Variants in EDIL3 observed in about 807,000 individuals in gnomAD.
EDIL3 encodes EGF like and discoidin domains 3.
Under a neutral mutation model 67.4 loss-of-function variants are expected in EDIL3, and 37 were observed. The observed-to-expected ratio is 0.55, with a 90% CI of 0.42 to 0.72. The LOEUF is 0.72. Ranked by LOEUF, EDIL3 falls within the 30% of genes least tolerant of loss-of-function variation. The pLI, the probability that EDIL3 is intolerant of heterozygous loss-of-function variation, is 0.00. For synonymous variants in EDIL3, 195 were observed against 196.3 expected, an observed-to-expected ratio of 0.99 and a Z score of 0.05; for missense variants, 527 against 586.3, an observed-to-expected ratio of 0.90 and a Z score of 1.04.
chr5:84,384,282 C>T (rs1580116752), intron 1 of EDIL3, 26 bp downstream of exon 1: 2 of 1,603,794 alleles, frequency 1.2e-6, no homozygotes, highest in East Asian at 4.6e-5. Context: ...ATCCCTCACC[C>T]AGCTGTCCGG....
intron 5 of EDIL3, among the ~76,000 whole-genome samples, chr5:84,136,360 C>T (rs1234972943): frequency 1.3e-5 from 2 of 152,200 alleles, no homozygotes; most frequent in African/African-American, 4.8e-5. Context: ...ATGAACTTTC[C>T]TCTAATTGTC....
At chr5:84,331,574 G>A (rs925770978) in intron 1 of EDIL3, among the ~76,000 whole-genome samples, 1 of 152,146 alleles carries the variant, frequency 6.6e-6, no homozygotes, top group Non-Finnish European at 1.5e-5. Context: ...CATCATGACT[G>A]TAATTTTCCT....
At chr5:84,165,653 A>T (rs768193151) in intron 4 of EDIL3, among the ~76,000 whole-genome samples, 1 of 152,274 alleles carries the variant, frequency 6.6e-6, no homozygotes, top group Admixed American at 6.5e-5. Context: ...ACAAATAATG[A>T]CAAAACCTCC....
At chr5:84,133,346 C>T (rs769555990) in intron 5 of EDIL3, among the ~76,000 whole-genome samples, 15 of 151,030 alleles carry the variant, frequency 9.9e-5, no homozygotes, top group South Asian at 4.2e-4. Context: ...TGAGGGTCTG[C>T]GCGCAGTAGC....
chr5:84,031,573 C>G (rs1745924281), intron 9 of EDIL3, among the ~76,000 whole-genome samples: 1 of 152,106 alleles, frequency 6.6e-6, no homozygotes, highest in Non-Finnish European at 1.5e-5. Flanking sequence ...GGTATCCATG[C>G]AAGAAGAGAC....
At chr5:84,357,015 C>G (rs568751415) in intron 1 of EDIL3, among the ~76,000 whole-genome samples, 1 of 149,578 alleles carries the variant, frequency 6.7e-6, no homozygotes, top group Non-Finnish European at 1.5e-5. Flanking sequence ...ACCTCTGCCT[C>G]CCAGGTTCAA....
chr5:83,974,870 T>C (rs1744853258), intron 9 of EDIL3, among the ~76,000 whole-genome samples: 1 of 152,062 alleles, frequency 6.6e-6, no homozygotes, highest in Admixed American at 6.6e-5. Context: ...GCAGCTGTTG[T>C]ATTCTTAAAA....
intron 3 of EDIL3, among the ~76,000 whole-genome samples, chr5:84,193,268 G>T (rs533670623): frequency 6.6e-6 from 1 of 152,054 alleles, no homozygotes; most frequent in East Asian, 1.9e-4. Context: ...AGTGTGATAG[G>T]ACGCCTGGAT....
At chr5:84,199,321 T>C (rs1008161384) in intron 3 of EDIL3, among the ~76,000 whole-genome samples, 1 of 152,098 alleles carries the variant, frequency 6.6e-6, no homozygotes, top group Non-Finnish European at 1.5e-5. Flanking sequence ...TATTTTTGCA[T>C]ACTTTGAAGG....
chr5:84,073,318 T>C (rs936800091), intron 6 of EDIL3, among the ~76,000 whole-genome samples: 2 of 152,108 alleles, frequency 1.3e-5, no homozygotes, highest in African/African-American at 4.8e-5. Context: ...ACCACTCCTA[T>C]TCAACATAGT....
rs369456153 is a variant in EDIL3 at position 84,287,218 on chromosome 5, C to T, written c.68-33006G>A. ...ATTTTCATAAAGAATATATAGTAAT[C>T]TAATTTCTAAAGAAAAATGTGCTAT... On this transcript the variant is annotated intron_variant, in intron 1 of 10. Transcript: ENST00000296591. 4.6e-5 allele frequency among the ~76,000 whole-genome samples: 7 copies of T among 152,204 alleles called. No individual in the cohort carries two copies. The East Asian group carries it at 7.7e-4, about 17-fold the overall frequency.
At chr5:84,349,359 T>C (rs1747307604) in intron 1 of EDIL3, among the ~76,000 whole-genome samples, 2 of 152,090 alleles carry the variant, frequency 1.3e-5, no homozygotes, top group African/African-American at 2.4e-5. Context: ...TTATGGTGGA[T>C]TGTAATGAAT....
At chr5:84,302,882 A>C (rs1746187953) in intron 1 of EDIL3, among the ~76,000 whole-genome samples, 1 of 152,206 alleles carries the variant, frequency 6.6e-6, no homozygotes, top group Non-Finnish European at 1.5e-5. Flanking sequence ...AAATAGTAAA[A>C]ATATTTCATT....
chr5:83,985,457 G>T (rs540611207), intron 9 of EDIL3, among the ~76,000 whole-genome samples: 45 of 152,096 alleles, frequency 3.0e-4, no homozygotes, highest in African/African-American at 1.0e-3. Context: ...GAATTTAATT[G>T]AATTGAATTG....
At chr5:84,133,954 T>C (rs1748043626) in intron 5 of EDIL3, among the ~76,000 whole-genome samples, 1 of 152,022 alleles carries the variant, frequency 6.6e-6, no homozygotes, top group African/African-American at 2.4e-5. Flanking sequence ...AAATAATTAC[T>C]TAAAAAACTA....
At chr5:83,989,024 C>G (rs1027800974) in intron 9 of EDIL3, among the ~76,000 whole-genome samples, 2 of 152,016 alleles carry the variant, frequency 1.3e-5, no homozygotes, top group African/African-American at 4.8e-5. Context: ...AAAACAAAAT[C>G]AAATATTAAG....
At chr5:84,225,205 C>A (rs969913658) in intron 3 of EDIL3, among the ~76,000 whole-genome samples, 2 of 151,562 alleles carry the variant, frequency 1.3e-5, no homozygotes, top group Non-Finnish European at 3.0e-5. Context: ...CAAGCCAATG[C>A]TTCCCAATCA....
intron 4 of EDIL3, among the ~76,000 whole-genome samples, chr5:84,146,857 A>G (rs1318721603): frequency 6.6e-6 from 1 of 152,032 alleles, no homozygotes; most frequent in Non-Finnish European, 1.5e-5. Flanking sequence ...GTCACAATTC[A>G]CCTTATGTAA....
chr5:84,148,848 C>A (rs2112327738), intron 4 of EDIL3, among the ~76,000 whole-genome samples: 1 of 151,774 alleles, frequency 6.6e-6, no homozygotes, highest in South Asian at 2.1e-4. Context: ...GCCAAATCAG[C>A]ATATTTTCTT....
Sources: allele counts gnomAD v4.1 joint callset (sites outside exome capture counted in the v4.1 genomes callset), GRCh38; gene constraint gnomAD v4.1.1; transcripts MANE v1.5; gene names NCBI Gene and HGNC (gene_info 2026-07-23, HGNC 2026-07-21).